The following MEIS1 variants were observed in gnomAD, a reference collection of about 807,000 sequenced individuals.
The protein encoded by MEIS1 is Meis homeobox 1.
A neutral mutation model predicts 50.8 loss-of-function variants in MEIS1; 5 were observed. That is an observed-to-expected ratio of 0.10 (90% CI 0.05 to 0.21). MEIS1 has a LOEUF of 0.21. Ranked by LOEUF, MEIS1 falls within the 10% of genes least tolerant of loss-of-function variation. The pLI is 1.00. For synonymous variants in MEIS1, 176 were observed against 179.3 expected (o/e 0.98, Z 0.15); for missense variants, 318 against 517.3 (o/e 0.61, Z 3.74).
intron 9 of MEIS1, among the ~76,000 whole-genome samples, chr2:66,564,212 A>G (rs1675283658): frequency 6.6e-6 from 1 of 152,152 alleles, no homozygotes; most frequent in African/African-American, 2.4e-5. Context: ...GTTTTTGTTT[A>G]TGTTTTATTT....
rs997303415 is a variant in MEIS1, at chr2:66,573,234, A to G, written c.*2026A>G. On this transcript the variant is annotated 3_prime_UTR_variant, in exon 13 of 13. Transcript: ENST00000272369. Reference sequence around the variant, plus strand: ...ACCAATTTTCCAGAACAGCTGTACAAGATTTCTGCATGGCAGCCGGCTAAA... The same window carrying G: ...ACCAATTTTCCAGAACAGCTGTACAGGATTTCTGCATGGCAGCCGGCTAAA... 1 of 152,230 alleles carries G rather than the reference A, an allele frequency of 6.6e-6. No individual in the cohort carries two copies. Among genetic ancestry groups the G allele is most frequent in the African/African-American group, 2.4e-5 (1 of 41,464 alleles). 9.4% of individuals were successfully genotyped at this position (152,230 alleles called of 1,614,324 possible).
Position 66,438,074 on chromosome 2 carries a change from G to A in MEIS1, c.239+111G>A, listed in dbSNP as rs1671846066. ...TCTCTGGATTGGAGGTACATCTTTG[G>A]TGACTTTTCATTCACATTTCATGGA... On this transcript the variant is annotated intron_variant, in intron 2 of 12. Transcript: ENST00000272369. The A allele has an allele frequency of 2.6e-5, 26 of 1,014,524 alleles. No individual in the cohort carries two copies. In the South Asian group the frequency reaches 3.6e-4, roughly 14 times the overall value. The allele number at this position is 1,014,524 out of a possible 1,614,324, so 62.8% of individuals were successfully genotyped here.
Position 66,522,922 on chromosome 2 carries a change from C to G in MEIS1, c.888+10628C>G, listed in dbSNP as rs1031734977. Among the ~76,000 whole-genome samples, 11 of 152,266 alleles carry G rather than the reference C, an allele frequency of 7.2e-5. No individual in the cohort carries two copies. In the East Asian group the frequency reaches 2.1e-3, roughly 29 times the overall value. ...GCAGAGTGCTCATGTAAAATTTAAG[C>G]TGGGAGGCAGAATCCCTGTTAATGT... On this transcript the variant is annotated intron_variant, in intron 8 of 12. Transcript: ENST00000272369.
At position 66,441,517 on chromosome 2, in the gene MEIS1, AG is replaced by A; in HGVS notation, c.483+59del. On this transcript the variant is annotated intron_variant, in intron 5 of 12. Transcript: ENST00000272369. ...ACTTACCCCTTACCCCCAAACACAC[AG>A]GGGGGAGGGTTCCGAATGGCTGAAG... 4.3e-6 allele frequency: 6 copies of A among 1,380,828 alleles called. No homozygotes were observed. The Admixed American group carries it at 8.6e-5, about 20-fold the overall frequency. The allele number at this position is 1,380,828 out of a possible 1,614,324, so 85.5% of individuals were successfully genotyped here.
At chr2:66,510,549 A>T (rs1028834941) in intron 7 of MEIS1, among the ~76,000 whole-genome samples, 2 of 152,216 alleles carry the variant, frequency 1.3e-5, no homozygotes, top group Non-Finnish European at 2.9e-5. Context: ...TTTTTAATGA[A>T]TAAAAGTTTA....
chr2:66,485,228 G>A (rs567223942), intron 7 of MEIS1, among the ~76,000 whole-genome samples: 52 of 152,148 alleles, frequency 3.4e-4, no homozygotes, highest in African/African-American at 1.1e-3. Flanking sequence ...TCTACATTAG[G>A]TATTTCTCCT....
intron 8 of MEIS1, among the ~76,000 whole-genome samples, chr2:66,513,810 TG>T (rs1443579057): frequency 2.6e-5 from 4 of 152,172 alleles, no homozygotes; most frequent in African/African-American, 9.7e-5. Context: ...ACCTGTTGCA[TG>T]TGTGTAGATA....
At chr2:66,566,782 G>T (rs1675358132) in intron 9 of MEIS1, among the ~76,000 whole-genome samples, 1 of 145,226 alleles carries the variant, frequency 6.9e-6, no homozygotes, top group Non-Finnish European at 1.5e-5. Context: ...CTGTGACCTT[G>T]CCTTGACCTC....
At chr2:66,536,888 C>T (rs1449539975) in intron 8 of MEIS1, among the ~76,000 whole-genome samples, 1 of 152,222 alleles carries the variant, frequency 6.6e-6, no homozygotes, top group Non-Finnish European at 1.5e-5. Context: ...TTCTCTCTCT[C>T]TCTCTCTGGC....
intron 7 of MEIS1, among the ~76,000 whole-genome samples, chr2:66,498,446 T>C (rs1572856471): frequency 6.6e-6 from 1 of 152,090 alleles, no homozygotes; most frequent in African/African-American, 2.4e-5. Context: ...GCTAAGCTAT[T>C]CTCTTGTAAT....
chr2:66,453,297 G>A (rs1672315856), intron 6 of MEIS1, among the ~76,000 whole-genome samples: 1 of 151,930 alleles, frequency 6.6e-6, no homozygotes, highest in Non-Finnish European at 1.5e-5. Context: ...CTGTTAAATA[G>A]TATGAATAAT....
rs915181815 is a variant in MEIS1, at chr2:66,572,886, T to G, written c.*1678T>G. Reference sequence around the variant, plus strand: ...GTATTTGACAATTTTAACCGCAAAGTAAGTTGTTTAATAATAACCACTGAT... The same window carrying G: ...GTATTTGACAATTTTAACCGCAAAGGAAGTTGTTTAATAATAACCACTGAT... On this transcript the variant is annotated 3_prime_UTR_variant, in exon 13 of 13. Transcript: ENST00000272369. 1 of 152,164 alleles carries G rather than the reference T, an allele frequency of 6.6e-6. No individual in the cohort carries two copies. Among genetic ancestry groups the G allele is most frequent in the African/African-American group, 2.4e-5 (1 of 41,424 alleles). The allele number at this position is 152,164 out of a possible 1,614,324, so 9.4% of individuals were successfully genotyped here.
At chr2:66,473,408 A>T (rs1359798891) in intron 7 of MEIS1, among the ~76,000 whole-genome samples, 6 of 141,932 alleles carry the variant, frequency 4.2e-5, no homozygotes, top group Non-Finnish European at 9.0e-5. Context: ...ATATATATAT[A>T]TATATATATA....
chr2:66,542,036 C>G (rs1674666070), intron 8 of MEIS1, among the ~76,000 whole-genome samples: 1 of 152,062 alleles, frequency 6.6e-6, no homozygotes, highest in Non-Finnish European at 1.5e-5. Context: ...GTAAGCTATT[C>G]ACAGTCAATG....
At chr2:66,519,491 G>A (rs531052362) in intron 8 of MEIS1, among the ~76,000 whole-genome samples, 2 of 152,068 alleles carry the variant, frequency 1.3e-5, no homozygotes, top group South Asian at 2.1e-4. Context: ...CAGAGAGTGC[G>A]CTCAAGAACT....
chr2:66,536,150 A>T (rs1674512031), intron 8 of MEIS1, among the ~76,000 whole-genome samples: 1 of 152,212 alleles, frequency 6.6e-6, no homozygotes, highest in Admixed American at 6.5e-5. Flanking sequence ...AATAGGAGTG[A>T]TGTCTAGATA....
intron 7 of MEIS1, among the ~76,000 whole-genome samples, chr2:66,486,485 GT>G (rs1673145696): frequency 6.6e-6 from 1 of 152,174 alleles, no homozygotes; most frequent in African/African-American, 2.4e-5. Flanking sequence ...GTACCATGCT[GT>G]TTTGGTTACT....
chr2:66,439,801 A>G (rs765509535), intron 2 of MEIS1, 42 bp from the exon 3 acceptor site: 1 of 1,609,126 alleles, frequency 6.2e-7, no homozygotes, highest in Non-Finnish European at 8.5e-7. Flanking sequence ...TTGACTGGGG[A>G]CTAACCATTA....
intron 7 of MEIS1, among the ~76,000 whole-genome samples, chr2:66,479,807 C>T (rs568623445): frequency 1.3e-5 from 2 of 152,098 alleles, no homozygotes; most frequent in South Asian, 2.1e-4. Context: ...CAAGAAGCCC[C>T]GGGCCATGAA....
Sources: allele counts gnomAD v4.1 joint callset (sites outside exome capture counted in the v4.1 genomes callset), GRCh38; gene constraint gnomAD v4.1.1; transcripts MANE v1.5; gene names NCBI Gene and HGNC (gene_info 2026-07-23, HGNC 2026-07-21).